PODN: variants seen among roughly 807,000 people sequenced by gnomAD.
PODN encodes podocan.
A neutral mutation model predicts 52.7 loss-of-function variants in PODN; 40 were observed. The observed-to-expected ratio is 0.76, with a 90% confidence interval of 0.59 to 0.99. The LOEUF (loss-of-function observed/expected upper bound fraction) is 0.99. PODN is among the 50% of genes least tolerant of loss of function. The probability of loss-of-function intolerance (pLI) is 0.00; values close to 1 mark genes in which losing one functional copy is unlikely to be tolerated. For missense variants in PODN, 720 were observed against 815.1 expected, an observed-to-expected ratio of 0.88 and a Z score of 1.42; for synonymous variants, 396 against 377.9, an observed-to-expected ratio of 1.05 and a Z score of -0.56.
chr1:53,068,685 T>C (rs17107817), intron 1 of PODN, among the ~76,000 whole-genome samples: 7,253 of 152,238 alleles, frequency 0.048, 256 homozygotes, highest in East Asian at 0.2. Context: ...CTGGGATTTG[T>C]GGGACCTGAG....
In PODN at chr1:53,062,240, C is replaced by G; in HGVS notation, c.-124C>G. The G allele has an allele frequency of 1.6e-6, 2 of 1,274,754 alleles. No homozygotes were observed. Among genetic ancestry groups the G allele is most frequent in the South Asian group, 7.6e-5 (2 of 26,238 alleles). 79.0% of individuals were successfully genotyped at this position (1,274,754 alleles called of 1,614,324 possible). ...CTTGAATGGAAGGAGCCCGAGCCCG[C>G]GGAGCGCAGCTGAGACTGGGGGAGC... is the stretch of plus-strand genomic sequence containing the variant. On this transcript the variant is annotated 5_prime_UTR_variant, in exon 1 of 11. Transcript: ENST00000312553.
intron 1 of PODN, chr1:53,066,932 C>T: frequency 6.7e-7 from 1 of 1,482,296 alleles, no homozygotes; most frequent in Non-Finnish European, 9.2e-7. Flanking sequence ...GGCCTTCTGC[C>T]CTGATTGAAT....
chr1:53,077,454 C>T, intron 6 of PODN, 108 bp downstream of exon 6: 2 of 1,496,258 alleles, frequency 1.3e-6, no homozygotes, highest in East Asian at 2.3e-5. Context: ...AGGTGCTGCC[C>T]AAGTGGGGCC....
intron 1 of PODN, among the ~76,000 whole-genome samples, chr1:53,062,552 C>T (rs542766459): frequency 6.6e-6 from 1 of 152,198 alleles, no homozygotes. Flanking sequence ...GGCTGGTCCC[C>T]GTCCCCAGGC....
At position 53,078,504 on chromosome 1, in the gene PODN, A is replaced by C; in HGVS notation, c.994A>C (p.Ile332Leu). 6.2e-7 allele frequency: 1 copy of C among 1,613,248 alleles called. No homozygotes were observed. Among genetic ancestry groups the C allele is most frequent in the Non-Finnish European group, 8.5e-7 (1 of 1,180,036 alleles). Residue 332 changes from isoleucine to leucine, a missense_variant, in exon 8 of 11, where the codon ATC (isoleucine) becomes CTC (leucine). Ile to Leu is a conservative substitution (Grantham distance 5). Transcript: ENST00000312553. ...CGTGGACGCGAATGTGCTGACCCCC[A>C]TCCGCAGCCTGGAGTACCTGCTGCT... ...RSVDANVLTP[I>L]RSLEYLLLHS...
intron 1 of PODN, chr1:53,063,622 G>A (rs1643992077): frequency 2.1e-6 from 2 of 972,484 alleles, no homozygotes; most frequent in Admixed American, 6.1e-5. Flanking sequence ...TGCTCTGGGG[G>A]TTCTGCTCCC....
intron 9 of PODN, 101 bp downstream of exon 9, chr1:53,080,977 CT>C: frequency 6.9e-7 from 1 of 1,455,996 alleles, no homozygotes; most frequent in Non-Finnish European, 9.4e-7. Context: ...CCACTGCTGC[CT>C]GTGTAACCAC....
Position 53,077,250 on chromosome 1 carries a change from C to T in PODN, c.642C>T (p.Asn214=), listed in dbSNP as rs769502354. 40 of 1,613,382 alleles carry T rather than the reference C, an allele frequency of 2.5e-5. No homozygotes were observed. Among genetic ancestry groups the T allele is most frequent in the Admixed American group, 8.3e-5 (5 of 60,008 alleles). ...CCGGGCTGCCGGACAACATGTTCAA[C>T]GGCTCCAGCAACGTCGAGGTCCTCA... ...ADAGLPDNMF[N]GSSNVEVLIL... is the part of the protein sequence containing the mutation. Residue 214 remains asparagine, a synonymous_variant, in exon 6 of 11, where the codon AAC becomes AAT. Transcript: ENST00000312553.
intron 2 of PODN, chr1:53,071,309 G>T: frequency 2.1e-6 from 1 of 469,016 alleles, no homozygotes. Context: ...TGGGCTCCCT[G>T]AAGGCAGGAC....
chr1:53,071,516 C>T lies in PODN; in HGVS notation c.313-19C>T, dbSNP rs375360473. 9.6e-5 allele frequency: 154 copies of T among 1,600,240 alleles called. No individual in the cohort carries two copies. Among genetic ancestry groups the T allele is most frequent in the South Asian group, 3.9e-4 (35 of 90,240 alleles). ...CCACTAGGCTGATGCTGCTTCCTTG[C>T]GGCCCCCTACCCCCCTAGAACAACC... is the stretch of plus-strand genomic sequence containing the variant. On this transcript the variant is annotated intron_variant, in intron 2 of 10. Transcript: ENST00000312553.
At chr1:53,080,646 C>A in intron 8 of PODN, 82 bp from the exon 9 acceptor site, 2 of 1,453,312 alleles carry the variant, frequency 1.4e-6, no homozygotes, top group Non-Finnish European at 1.9e-6. Flanking sequence ...TTTAGATAGG[C>A]TGGGGGCTTG....
chr1:53,071,622 T>A lies in PODN; in HGVS notation c.400T>A (p.Ser134Thr). The A allele has an allele frequency of 1.2e-6, 2 of 1,613,400 alleles. No individual in the cohort carries two copies. Among genetic ancestry groups the A allele is most frequent in the Non-Finnish European group, 1.7e-6 (2 of 1,179,680 alleles). The change falls in exon 3 of 11, where the codon TCC becomes ACC. Residue 134 changes from serine (S) to threonine (T), a missense_variant. Coordinates refer to ENST00000312553, the MANE Select transcript of PODN (RefSeq NM_153703.5). ...TLNLQNNRLTSRGLPEKAFEH... is the reference protein window; with the variant it reads ...TLNLQNNRLTTRGLPEKAFEH... ...GAACCTGCAAAACAACCGCCTGACT[T>A]CCCGAGGTGAGGGGCCACCCAGAGC...
At chr1:53,073,165 G>A (rs1404980772) in intron 3 of PODN, 4 of 222,756 alleles carry the variant, frequency 1.8e-5, no homozygotes, top group Admixed American at 1.6e-4. Flanking sequence ...CATACCAACA[G>A]TCATGGCTCC....
At chr1:53,063,510 T>C in intron 1 of PODN, 3 of 985,478 alleles carry the variant, frequency 3.0e-6, no homozygotes, top group Non-Finnish European at 3.6e-6. Context: ...GCAGGAGGGC[T>C]CATGGTGAGC....
chr1:53,069,773 C>A (rs1356496040), intron 1 of PODN, 28 bp from the exon 2 acceptor site: 1 of 1,552,470 alleles, frequency 6.4e-7, no homozygotes, highest in African/African-American at 1.4e-5. Context: ...CTTTCGAGGG[C>A]CCCAGCTGTG....
intron 4 of PODN, 136 bp downstream of exon 4, chr1:53,074,806 GTC>G: frequency 2.6e-5 from 13 of 508,050 alleles, no homozygotes; most frequent in Non-Finnish European, 3.6e-5. Context: ...ATGGCCCTGG[GTC>G]GGGGGTGGGG....
intron 1 of PODN, 29 bp downstream of exon 1, chr1:53,062,337 C>G: frequency 1.6e-6 from 2 of 1,237,948 alleles, no homozygotes; most frequent in Non-Finnish European, 2.0e-6. Context: ...CGGGGTGGGC[C>G]GAGGGGCCGG....
At position 53,080,805 on chromosome 1, in the gene PODN, G is replaced by A. The variant is rs1441006643; in HGVS notation, c.1590G>A (p.Gln530=). 1.9e-6 allele frequency: 3 copies of A among 1,614,140 alleles called. No homozygotes were observed. The highest frequency in any genetic ancestry group is 3.3e-5 in the Admixed American group (2 of 60,032). The stretch of plus-strand genomic sequence containing the variant: ...AGTCACTTGAGTACCTGTACCTGCA[G>A]AACAACAAGATTAGTGCGGTGCCCG... ...LPESLEYLYL[Q]NNKISAVPAN... The change falls in exon 9 of 11, where the codon CAG becomes CAA. Residue 530 remains glutamine (Q), a synonymous_variant. Coordinates refer to ENST00000312553, the MANE Select transcript of PODN (RefSeq NM_153703.5).
In PODN at chr1:53,070,752, C is replaced by T. The variant is rs570044122; in HGVS notation, c.312+585C>T. 7.2e-5 allele frequency among the ~76,000 whole-genome samples: 11 copies of T among 152,350 alleles called. No homozygotes were observed. In the South Asian group the frequency reaches 1.4e-3, roughly 20 times the overall value. ...TTCCCAGAGGCGATCAGGCCTGGTGCGGGAGAGTGACTTGCCTACTGGCAT... is the reference window on the plus strand; with the variant it reads ...TTCCCAGAGGCGATCAGGCCTGGTGTGGGAGAGTGACTTGCCTACTGGCAT... On this transcript the variant is annotated intron_variant, in intron 2 of 10. Coordinates refer to ENST00000312553, the MANE Select transcript of PODN (RefSeq NM_153703.5).
Sources: gnomAD v4.1 joint callset for allele counts (sites outside exome capture counted in the v4.1 genomes callset) on GRCh38, gnomAD v4.1.1 for gene constraint, MANE v1.5 for transcripts, NCBI Gene and HGNC (gene_info 2026-07-23, HGNC 2026-07-21) for gene names.